SOX30: variants seen among roughly 807,000 people sequenced by gnomAD.
The protein encoded by SOX30 is transcription factor SOX-30.
Under a neutral mutation model 58.6 loss-of-function variants are expected in SOX30, and 17 were observed. The ratio of observed to expected loss-of-function variants is 0.29; its 90% CI spans 0.20 to 0.44. The LOEUF (loss-of-function observed/expected upper bound fraction) is 0.44, where lower values mean the gene tolerates loss of function less well. Ranked by LOEUF, SOX30 falls within the 20% of genes least tolerant of loss-of-function variation. The pLI is 1.00. For missense variants in SOX30, 951 were observed against 965.8 expected (o/e 0.98, Z 0.20); for synonymous variants, 421 against 400.2 (o/e 1.05, Z -0.62).
At position 157,651,462 on chromosome 5, in the gene SOX30, G is replaced by C. The variant is rs768836856; in HGVS notation, c.617C>G (p.Ala206Gly). Residue 206 changes from alanine to glycine, a missense_variant, in exon 1 of 5, where the codon GCC becomes GGC. Ala to Gly is a moderately conservative substitution (Grantham distance 60). Transcript: ENST00000265007. ...CGTTTTGATCACACCTTCTCGGATG[G>C]CTGCCGGGCTTTTGCCTGCCCCGCC... ...MQGGAGKSPA[A>G]IREGVIKTEE... The C allele has an allele frequency of 2.5e-6, 4 of 1,613,220 alleles. No individual in the cohort carries two copies. The highest frequency in any genetic ancestry group is 1.1e-5 in the South Asian group (1 of 91,082).
intron 3 of SOX30, among the ~76,000 whole-genome samples, chr5:157,643,655 G>A (rs1433015607): frequency 6.6e-6 from 1 of 152,016 alleles, no homozygotes; most frequent in East Asian, 1.9e-4. Flanking sequence ...CACAAAGCTT[G>A]CTACAGAAAA....
chr5:157,671,478 T>C (rs1645123262), exon 1 of SOX30: 3 of 677,370 alleles, frequency 4.4e-6, no homozygotes, highest in South Asian at 2.0e-5. Flanking sequence ...CCGCAGCCAA[T>C]ATGTGTCTCC....
chr5:157,661,183 G>A (rs1759572320), intron 2 of SOX30, among the ~76,000 whole-genome samples: 2 of 152,182 alleles, frequency 1.3e-5, no homozygotes, highest in African/African-American at 2.4e-5. Flanking sequence ...TAGAAGTGGT[G>A]AGAGTGTACA....
rs1370770930 is a variant in SOX30, at chr5:157,626,569, T to C, written c.2033A>G (p.Glu678Gly). ...CCGAGAATTTTCACTGTGTGTGCAT[T>C]CACTTGAGTAGTCTCTAAAAGAATA... ...RDYSFRDYSS[E>G]CTHSENSRSC... The change falls in exon 5 of 5, where the codon GAA (glutamate) becomes GGA (glycine). Residue 678 changes from glutamate to glycine, a missense_variant. Physicochemically the swap from Glu to Gly is moderately conservative, Grantham distance 98. Transcript: ENST00000265007. 4 of 1,614,226 alleles carry C rather than the reference T, an allele frequency of 2.5e-6. No homozygotes were observed. In the South Asian group the frequency reaches 4.4e-5, roughly 18 times the overall value.
chr5:157,656,961 A>G (rs1453326029), upstream of SOX30, among the ~76,000 whole-genome samples: 1 of 152,198 alleles, frequency 6.6e-6, no homozygotes, highest in Admixed American at 6.5e-5. Context: ...ACCTGCTATG[A>G]TTTGCTCTTT....
In SOX30 at chr5:157,652,119, G is replaced by C; in HGVS notation, c.-41C>G. On this transcript the variant is annotated 5_prime_UTR_variant, in exon 1 of 5. Coordinates refer to ENST00000265007, the MANE Select transcript of SOX30 (RefSeq NM_178424.2). Reference sequence around the variant, plus strand: ...CCCGGCCAGGATTGTGAGCTCAGCCGTTTGTTGGCGACCTTCCCCCTCCCC... The same window carrying C: ...CCCGGCCAGGATTGTGAGCTCAGCCCTTTGTTGGCGACCTTCCCCCTCCCC... 1.4e-6 allele frequency: 2 copies of C among 1,384,784 alleles called. No homozygotes were observed. The highest frequency in any genetic ancestry group is 1.9e-6 in the Non-Finnish European group (2 of 1,077,456). The allele number at this position is 1,384,784 out of a possible 1,614,324, so 85.8% of individuals were successfully genotyped here.
intron 4 of SOX30, among the ~76,000 whole-genome samples, chr5:157,631,047 TTATA>T (rs755427047): frequency 0.041 from 2,161 of 52,642 alleles, 34 homozygotes; most frequent in Middle Eastern, 0.1. Context: ...TATATATATT[TTATA>T]TATATATATA....
In SOX30 at chr5:157,671,480, T is replaced by C. The variant is rs1314149937; in HGVS notation, c.-154A>G. On this transcript the variant is annotated 5_prime_UTR_variant, in exon 1 of 6. Coordinates refer to the SOX30 transcript ENST00000519442. ...CCCGTCCCCTTCCCCGCAGCCAATATGTGTCTCCCAGGCAACGCGCCGCGC... is the reference window on the plus strand; with the variant it reads ...CCCGTCCCCTTCCCCGCAGCCAATACGTGTCTCCCAGGCAACGCGCCGCGC... 5 of 685,802 alleles carry C rather than the reference T, an allele frequency of 7.3e-6. No homozygotes were observed. The Admixed American group carries it at 9.2e-5, about 13-fold the overall frequency. The allele number at this position is 685,802 out of a possible 1,614,324, so 42.5% of individuals were successfully genotyped here. A position where few individuals can be genotyped will look rare whatever the true frequency, so the allele number is the denominator to read the frequency against.
intron 1 of SOX30, among the ~76,000 whole-genome samples, chr5:157,649,139 CTG>C (rs1407989970): frequency 2.0e-5 from 3 of 151,978 alleles, no homozygotes; most frequent in African/African-American, 4.8e-5. Context: ...TTGAAGATAA[CTG>C]TGGCAATAAT....
intron 1 of SOX30, among the ~76,000 whole-genome samples, chr5:157,649,527 C>T (rs900805698): frequency 6.6e-6 from 1 of 152,164 alleles, no homozygotes; most frequent in African/African-American, 2.4e-5. Flanking sequence ...CGGTGGCTCA[C>T]GCCTGTAATC....
rs1193872959 is a variant in SOX30 at position 157,626,499 on chromosome 5, G to T, written c.2103C>A (p.Ser701Arg). 6.2e-7 allele frequency: 1 copy of T among 1,613,950 alleles called. No homozygotes were observed. Among genetic ancestry groups the T allele is most frequent in the Non-Finnish European group, 8.5e-7 (1 of 1,180,026 alleles). ...MNGTSYYNSHSHSGEENLNPV... is the reference protein window; with the variant it reads ...MNGTSYYNSHRHSGEENLNPV... ...GGTTTAAGTTTTCTTCCCCACTGTGGCTATGACTGTTATAGTAAGAAGTTC... is the reference window on the plus strand; with the variant it reads ...GGTTTAAGTTTTCTTCCCCACTGTGTCTATGACTGTTATAGTAAGAAGTTC... The change falls in exon 5 of 5, where the codon AGC becomes AGA. Residue 701 changes from serine to arginine, a missense_variant. Ser to Arg is a moderately radical substitution (Grantham distance 110). Coordinates refer to ENST00000265007, the MANE Select transcript of SOX30 (RefSeq NM_178424.2).
chr5:157,637,196 CAAGGGAGTTAAATTT>C (rs766908849), intron 4 of SOX30, among the ~76,000 whole-genome samples: 12 of 150,724 alleles, frequency 8.0e-5, no homozygotes, highest in Non-Finnish European at 1.6e-4. Context: ...AAAATACTTC[CAAGGGAGTTAAATTT>C]CTATCATTCC....
upstream of SOX30, among the ~76,000 whole-genome samples, chr5:157,653,745 C>T (rs1418162572): frequency 6.6e-6 from 1 of 152,214 alleles, no homozygotes; most frequent in Non-Finnish European, 1.5e-5. Flanking sequence ...ACTCAAAGAC[C>T]ACTCCAATTT....
At chr5:157,634,137 C>T (rs1024027678) in intron 4 of SOX30, among the ~76,000 whole-genome samples, 2 of 152,208 alleles carry the variant, frequency 1.3e-5, no homozygotes, top group East Asian at 1.9e-4. Flanking sequence ...TGTAAAATGA[C>T]TCCTTGATTA....
intron 4 of SOX30, among the ~76,000 whole-genome samples, chr5:157,628,365 T>TCACACACACACA (rs70984476): frequency 4.1e-4 from 57 of 139,702 alleles, no homozygotes; most frequent in African/African-American, 1.2e-3. Context: ...TTTCTGGCCT[T>TCACACACACACA]CACACACACA....
intron 3 of SOX30, among the ~76,000 whole-genome samples, chr5:157,643,936 A>G (rs965976672): frequency 1.3e-5 from 2 of 152,206 alleles, no homozygotes; most frequent in African/African-American, 4.8e-5. Context: ...AATATTAAAT[A>G]TACAGTGAAA....
chr5:157,654,656 T>C (rs979653851), upstream of SOX30, among the ~76,000 whole-genome samples: 7 of 152,168 alleles, frequency 4.6e-5, no homozygotes, highest in Admixed American at 2.0e-4. Context: ...CAGGATGAGA[T>C]AGGAGGCTGG....
chr5:157,654,866 T>G (rs1458034404), upstream of SOX30, among the ~76,000 whole-genome samples: 1 of 152,166 alleles, frequency 6.6e-6, no homozygotes, highest in Non-Finnish European at 1.5e-5. Flanking sequence ...AGGGGAGGCA[T>G]GAAAAATCCA....
chr5:157,661,626 T>C (rs927392915), intron 2 of SOX30, among the ~76,000 whole-genome samples: 1 of 152,226 alleles, frequency 6.6e-6, no homozygotes, highest in Admixed American at 6.5e-5. Context: ...CTTTTGGCTA[T>C]AGTTTGCTGA....
Sources: gnomAD v4.1 joint callset for allele counts (sites outside exome capture counted in the v4.1 genomes callset) on GRCh38, gnomAD v4.1.1 for gene constraint, MANE v1.5 for transcripts, NCBI Gene and HGNC (gene_info 2026-07-23, HGNC 2026-07-21) for gene names.